The following ADGRG7 variants were observed in gnomAD, a reference collection of about 807,000 sequenced individuals.
ADGRG7 encodes G-protein coupled receptor 128.
In ADGRG7, 82 loss-of-function variants were observed where a neutral mutation model predicts 88.6. That is an observed-to-expected ratio of 0.93 (90% CI 0.77 to 1.11). ADGRG7 has a LOEUF of 1.11. ADGRG7 is among the 50% of genes most tolerant of loss of function. ADGRG7 has a pLI of 0.00. For missense variants in ADGRG7, 945 were observed against 953.4 expected (o/e 0.99, Z 0.12); for synonymous variants, 381 against 345.2 (o/e 1.10, Z -1.15).
chr3:100,682,295 G>A (rs1143780), intron 15 of ADGRG7, among the ~76,000 whole-genome samples: 128,578 of 152,116 alleles, frequency 0.85, 57,446 homozygotes, highest in Non-Finnish European at 0.99. Context: ...CTGGGTCTGG[G>A]GCGGTGCCAC....
chr3:100,643,365 T>C lies in ADGRG7; in HGVS notation c.798T>C (p.Asn266=). The change falls in exon 7 of 16, where the codon AAT becomes AAC. Residue 266 remains asparagine (N), a synonymous_variant. Transcript: ENST00000273352. ...AIQSANFSSE[N]AVGPSNVRFS... is the part of the protein sequence containing the mutation. Reference sequence around the variant, plus strand: ...AGTCAGCAAATTTCTCTTCAGAAAATGCGGTGGGGCCTTCAAATGTTCGCT... The same window carrying C: ...AGTCAGCAAATTTCTCTTCAGAAAACGCGGTGGGGCCTTCAAATGTTCGCT... The C allele has an allele frequency of 3.7e-6, 6 of 1,614,060 alleles. No individual in the cohort carries two copies. Among genetic ancestry groups the C allele is most frequent in the African/African-American group, 1.3e-5 (1 of 75,050 alleles).
chr3:100,673,667 C>T (rs1224254938), intron 15 of ADGRG7, among the ~76,000 whole-genome samples: 2 of 151,918 alleles, frequency 1.3e-5, no homozygotes, highest in Non-Finnish European at 2.9e-5. Flanking sequence ...TCACCATGTT[C>T]AGGCTGGTCC....
At chr3:100,678,938 G>C (rs553531290) in intron 15 of ADGRG7, among the ~76,000 whole-genome samples, 2 of 152,280 alleles carry the variant, frequency 1.3e-5, no homozygotes, top group East Asian at 3.9e-4. Context: ...TCTCTCCCAA[G>C]GCCTGTGGTG....
intron 3 of ADGRG7, among the ~76,000 whole-genome samples, chr3:100,632,842 T>C (rs1310181348): frequency 6.6e-6 from 1 of 152,224 alleles, no homozygotes; most frequent in Non-Finnish European, 1.5e-5. Context: ...CAAACATTTA[T>C]TGAGGCAACT....
intron 15 of ADGRG7, among the ~76,000 whole-genome samples, chr3:100,677,530 C>T (rs1346358891): frequency 2.6e-5 from 4 of 152,004 alleles, no homozygotes; most frequent in Non-Finnish European, 2.9e-5. Context: ...CAGTGAGTTT[C>T]GTACTTTAAC....
intron 15 of ADGRG7, among the ~76,000 whole-genome samples, chr3:100,691,751 T>A (rs1308523026): frequency 1.5e-5 from 2 of 131,308 alleles, no homozygotes; most frequent in Non-Finnish European, 3.4e-5. Context: ...TTATTAACTA[T>A]CAACTAAGTG....
chr3:100,619,944 A>G (rs1408801510), intron 1 of ADGRG7, among the ~76,000 whole-genome samples: 1 of 152,198 alleles, frequency 6.6e-6, no homozygotes, highest in East Asian at 1.9e-4. Context: ...AAAGTCCAGG[A>G]CCAGATGGAT....
intron 1 of ADGRG7, among the ~76,000 whole-genome samples, chr3:100,628,113 T>A (rs576174449): frequency 6.6e-6 from 1 of 152,140 alleles, no homozygotes; most frequent in East Asian, 1.9e-4. Context: ...CTGTCATACC[T>A]TAACCCATTA....
intron 11 of ADGRG7, 114 bp from the exon 12 acceptor site, chr3:100,654,721 A>G (rs542323838): frequency 3.1e-6 from 2 of 647,076 alleles, no homozygotes; most frequent in African/African-American, 1.8e-5. Flanking sequence ...TGGGCTATGA[A>G]CTGAACTTAC....
In ADGRG7 at chr3:100,630,755, C is replaced by A; in HGVS notation, c.280C>A (p.Pro94Thr). Residue 94 changes from proline (P) to threonine (T), a missense_variant, in exon 3 of 16, where the codon CCA becomes ACA. Transcript: ENST00000273352. Reference sequence around the variant, plus strand: ...TATGGGTTTTACTTTTGCCAGAATCCCAGTGGGCAGATATGGACCATCCTT... The same window carrying A: ...TATGGGTTTTACTTTTGCCAGAATCACAGTGGGCAGATATGGACCATCCTT... Reference protein sequence around the residue: ...TYMGFTFARIPVGRYGPSLQT... With the variant: ...TYMGFTFARITVGRYGPSLQT... The A allele has an allele frequency of 2.0e-6, 3 of 1,481,422 alleles. No homozygotes were observed. Among genetic ancestry groups the A allele is most frequent in the Non-Finnish European group, 1.8e-6 (2 of 1,116,556 alleles). 91.8% of individuals were successfully genotyped at this position (1,481,422 alleles called of 1,614,324 possible).
chr3:100,681,738 G>A (rs1182255642), intron 15 of ADGRG7, among the ~76,000 whole-genome samples: 1 of 152,168 alleles, frequency 6.6e-6, no homozygotes, highest in Non-Finnish European at 1.5e-5. Context: ...ACTCTCTGTA[G>A]TATGGAAACA....
Position 100,646,095 on chromosome 3 carries a change from T to C in ADGRG7, c.1097T>C (p.Val366Ala). The C allele has an allele frequency of 6.2e-7, 1 of 1,613,422 alleles. No individual in the cohort carries two copies. Among genetic ancestry groups the C allele is most frequent in the Non-Finnish European group, 8.5e-7 (1 of 1,179,830 alleles). ...EQDQSASVDMVFSPKYNQKEF... is the reference protein window; with the variant it reads ...EQDQSASVDMAFSPKYNQKEF... ...GATCAGAGTGCTTCTGTTGACATGG[T>C]CTTTAGTCCAAAGGTGAGTTTTTCA... is the stretch of plus-strand genomic sequence containing the variant. Residue 366 changes from valine (V) to alanine (A), a missense_variant, in exon 9 of 16, where the codon GTC becomes GCC. By Grantham distance (64) the Val-to-Ala change is moderately conservative. Transcript: ENST00000273352.
chr3:100,694,130 A>G (rs138280519), intron 15 of ADGRG7, among the ~76,000 whole-genome samples: 7 of 152,348 alleles, frequency 4.6e-5, no homozygotes, highest in South Asian at 4.1e-4. Flanking sequence ...TGAGGATTAC[A>G]TGAGAATGAT....
chr3:100,639,290 A>C (rs887937925), intron 6 of ADGRG7, among the ~76,000 whole-genome samples: 31 of 152,340 alleles, frequency 2.0e-4, no homozygotes, highest in African/African-American at 6.3e-4. Context: ...ATTCTGGTAC[A>C]TAATCTTTAT....
chr3:100,649,769 T>C lies in ADGRG7; in HGVS notation c.1341T>C (p.Thr447=), dbSNP rs755238291. ...ACGTTGGATGTGCACTGTCTGTTAC[T>C]GGTCTGGCTCTCACAGTTATATTTC... The part of the protein sequence containing the change: ...LSNVGCALSV[T]GLALTVIFQI... The change falls in exon 11 of 16, where the codon ACT becomes ACC. Residue 447 remains threonine, a synonymous_variant. Transcript: ENST00000273352. 1 of 1,609,854 alleles carries C rather than the reference T, an allele frequency of 6.2e-7. No individual in the cohort carries two copies. Among genetic ancestry groups the C allele is most frequent in the African/African-American group, 1.3e-5 (1 of 74,858 alleles).
intron 14 of ADGRG7, among the ~76,000 whole-genome samples, chr3:100,662,708 G>A (rs2094947035): frequency 6.6e-6 from 1 of 151,846 alleles, no homozygotes; most frequent in East Asian, 1.9e-4. Flanking sequence ...CCATGAAGGA[G>A]GGTCCCAGGA....
intron 15 of ADGRG7, among the ~76,000 whole-genome samples, chr3:100,684,224 T>G (rs2094978337): frequency 7.1e-6 from 1 of 139,998 alleles, no homozygotes; most frequent in Non-Finnish European, 1.6e-5. Context: ...TAGATTTGTT[T>G]TTGATAATTT....
Position 100,643,293 on chromosome 3 carries a change from C to A in ADGRG7, c.726C>A (p.Ser242=). 1.2e-6 allele frequency: 2 copies of A among 1,613,334 alleles called. No homozygotes were observed. ...TTLIEQMETY[S]LSLGNQSVVE... is the part of the protein sequence containing the mutation. ...TTATTGAGCAAATGGAGACTTATTC[C>A]TTGTCTTTGGGTAATCAATCAGTGG... The change falls in exon 7 of 16, where the codon TCC becomes TCA. Residue 242 remains serine, a synonymous_variant. Transcript: ENST00000273352.
chr3:100,692,153 G>C (rs1468250586), intron 15 of ADGRG7, among the ~76,000 whole-genome samples: 1 of 152,244 alleles, frequency 6.6e-6, no homozygotes, highest in Admixed American at 6.5e-5. Flanking sequence ...ATAATGCAGT[G>C]TGGGGAGCTG....
Sources: gnomAD v4.1 joint callset for allele counts (sites outside exome capture counted in the v4.1 genomes callset) on GRCh38, gnomAD v4.1.1 for gene constraint, MANE v1.5 for transcripts, NCBI Gene and HGNC (gene_info 2026-07-23, HGNC 2026-07-21) for gene names.